Variants in CTTNBP2NL observed in about 807,000 individuals in gnomAD.
CTTNBP2NL encodes the protein CTTNBP2 N-terminal-like protein.
In CTTNBP2NL, 16 loss-of-function variants were observed where a neutral mutation model predicts 32.5. The ratio of observed to expected loss-of-function variants is 0.49; its 90% confidence interval spans 0.33 to 0.75. The LOEUF is 0.75. CTTNBP2NL is among the 30% of genes least tolerant of loss of function. The pLI is 0.02. For synonymous variants in CTTNBP2NL, 298 were observed against 289.4 expected (o/e 1.03, Z -0.30); for missense variants, 645 against 756.0 (o/e 0.85, Z 1.72).
At chr1:112,400,113 T>C (rs2100989092) in intron 1 of CTTNBP2NL, among the ~76,000 whole-genome samples, 1 of 152,322 alleles carries the variant, frequency 6.6e-6, no homozygotes, top group East Asian at 1.9e-4. Flanking sequence ...GAATATTTGC[T>C]GCTAATAACT....
intron 3 of CTTNBP2NL, among the ~76,000 whole-genome samples, chr1:112,417,445 G>A (rs1296327105): frequency 6.6e-6 from 1 of 152,184 alleles, no homozygotes; most frequent in African/African-American, 2.4e-5. Flanking sequence ...CAGATGCTTA[G>A]ATGCTTTTTG....
chr1:112,406,047 G>A (rs1363619239), intron 1 of CTTNBP2NL, among the ~76,000 whole-genome samples: 1 of 150,178 alleles, frequency 6.7e-6, no homozygotes, highest in African/African-American at 2.5e-5. Flanking sequence ...AGCTGGGCGT[G>A]GTGGTGGGCA....
chr1:112,432,753 T>TAAA (rs77485849), intron 3 of CTTNBP2NL, among the ~76,000 whole-genome samples: 3 of 136,204 alleles, frequency 2.2e-5, no homozygotes, highest in African/African-American at 8.0e-5. Context: ...ATTCTATATT[T>TAAA]AAAAAAAAAA....
At chr1:112,430,455 C>T (rs767964830) in intron 3 of CTTNBP2NL, among the ~76,000 whole-genome samples, 1 of 151,598 alleles carries the variant, frequency 6.6e-6, no homozygotes, top group Non-Finnish European at 1.5e-5. Context: ...CCAGGCTGGT[C>T]TCGAACTCCT....
intron 3 of CTTNBP2NL, among the ~76,000 whole-genome samples, chr1:112,428,626 ATAAAT>A (rs1649470247): frequency 6.6e-6 from 1 of 152,152 alleles, no homozygotes; most frequent in South Asian, 2.1e-4. Context: ...CATTTTTGAA[ATAAAT>A]TTCACATTTC....
At chr1:112,408,959 C>T (rs914907299) in intron 1 of CTTNBP2NL, among the ~76,000 whole-genome samples, 5 of 152,008 alleles carry the variant, frequency 3.3e-5, no homozygotes, top group Non-Finnish European at 7.4e-5. Flanking sequence ...AGACCCCCGT[C>T]TCTACTAAAA....
At chr1:112,399,992 C>A (rs1648446084) in intron 1 of CTTNBP2NL, among the ~76,000 whole-genome samples, 3 of 152,068 alleles carry the variant, frequency 2.0e-5, no homozygotes, top group Admixed American at 2.0e-4. Flanking sequence ...TGGCTTAAAC[C>A]CAGGAGGCGG....
chr1:112,405,352 C>T (rs1018615275), intron 1 of CTTNBP2NL, among the ~76,000 whole-genome samples: 1 of 152,130 alleles, frequency 6.6e-6, no homozygotes, highest in African/African-American at 2.4e-5. Flanking sequence ...GGCTGTAGTG[C>T]AGTGGTGCAA....
chr1:112,433,255 G>GGGT (rs1649625178), intron 3 of CTTNBP2NL, among the ~76,000 whole-genome samples: 1 of 151,420 alleles, frequency 6.6e-6, no homozygotes, highest in Non-Finnish European at 1.5e-5. Flanking sequence ...TTTGTGTGGG[G>GGGT]GTGTGTGTGT....
chr1:112,407,367 T>G (rs1418712957), intron 1 of CTTNBP2NL, among the ~76,000 whole-genome samples: 1 of 152,188 alleles, frequency 6.6e-6, no homozygotes, highest in Non-Finnish European at 1.5e-5. Flanking sequence ...TTCTGGAGCC[T>G]AGAAGTCTGA....
intron 1 of CTTNBP2NL, among the ~76,000 whole-genome samples, chr1:112,408,372 A>G (rs570694334): frequency 2.6e-5 from 4 of 152,110 alleles, no homozygotes; most frequent in African/African-American, 7.2e-5. Flanking sequence ...GCACATTGAC[A>G]TGTTTTACTT....
intron 3 of CTTNBP2NL, among the ~76,000 whole-genome samples, chr1:112,432,782 T>G (rs1412353223): frequency 6.6e-6 from 1 of 151,986 alleles, no homozygotes; most frequent in Admixed American, 6.5e-5. Context: ...TTCTCAATCT[T>G]GCCATCCTTC....
At chr1:112,393,758 C>T (rs946046306), upstream of CTTNBP2NL, among the ~76,000 whole-genome samples, 2 of 152,198 alleles carry the variant, frequency 1.3e-5, no homozygotes, top group Non-Finnish European at 2.9e-5. Context: ...AGTCCTTCTA[C>T]ACTCATTTAG....
At position 112,460,021 on chromosome 1, in the gene CTTNBP2NL, T is replaced by A. The variant is rs545938006; in HGVS notation, c.*2609T>A. On this transcript the variant is annotated 3_prime_UTR_variant, in exon 6 of 6. Coordinates refer to ENST00000271277, the MANE Select transcript of CTTNBP2NL (RefSeq NM_018704.3). ...TATAGATTAGTATTTAAGTTTGCTG[T>A]AGATTGTGTGTGTGTGTGCTAAGTA... is the stretch of plus-strand genomic sequence containing the variant. 2.4e-4 allele frequency: 36 copies of A among 152,322 alleles called. No individual in the cohort carries two copies. The highest frequency in any genetic ancestry group is 3.4e-3 in the Middle Eastern group (1 of 294). The allele number at this position is 152,322 out of a possible 1,614,324, so 9.4% of individuals were successfully genotyped here. A position where few individuals can be genotyped will look rare whatever the true frequency, so the allele number is the denominator to read the frequency against.
chr1:112,412,939 A>G (rs1206836937), intron 2 of CTTNBP2NL, among the ~76,000 whole-genome samples: 2 of 152,134 alleles, frequency 1.3e-5, no homozygotes, highest in East Asian at 1.9e-4. Flanking sequence ...GGGACATATT[A>G]GTGAAATGTT....
chr1:112,450,194 G>A (rs1650175165), intron 4 of CTTNBP2NL, among the ~76,000 whole-genome samples: 1 of 152,166 alleles, frequency 6.6e-6, no homozygotes, highest in African/African-American at 2.4e-5. Flanking sequence ...TCTAGGCTCT[G>A]GATCTTGCCC....
intron 3 of CTTNBP2NL, among the ~76,000 whole-genome samples, chr1:112,448,656 G>A (rs1003998773): frequency 3.9e-5 from 6 of 152,082 alleles, no homozygotes; most frequent in East Asian, 1.9e-4. Flanking sequence ...CAGCAAAATC[G>A]AGATGATAGC....
At chr1:112,415,142 G>A (rs2101001346) in intron 2 of CTTNBP2NL, among the ~76,000 whole-genome samples, 1 of 152,042 alleles carries the variant, frequency 6.6e-6, no homozygotes, top group East Asian at 1.9e-4. Flanking sequence ...AGTGAGCCGT[G>A]TTTGCACCAC....
At position 112,457,275 on chromosome 1, in the gene CTTNBP2NL, G is replaced by A. The variant is rs745925378; in HGVS notation, c.1783G>A (p.Ala595Thr). 1 of 1,613,968 alleles carries A rather than the reference G, an allele frequency of 6.2e-7. No individual in the cohort carries two copies. The highest frequency in any genetic ancestry group is 1.3e-5 in the African/African-American group (1 of 74,898). ...KKPGLTPSPS[A>T]TTPLTKTHSQ... ...ACCTGGCCTCACCCCTTCTCCATCT[G>A]CTACCACTCCATTGACCAAAACTCA... The change falls in exon 6 of 6, where the codon GCT becomes ACT. Residue 595 changes from alanine (A) to threonine (T), a missense_variant. Physicochemically the swap from Ala to Thr is moderately conservative, Grantham distance 58. Transcript: ENST00000271277.
Sources: allele counts gnomAD v4.1 joint callset (sites outside exome capture counted in the v4.1 genomes callset), GRCh38; gene constraint gnomAD v4.1.1; transcripts MANE v1.5; gene names NCBI Gene and HGNC (gene_info 2026-07-23, HGNC 2026-07-21).